Variants in CDH2 observed in about 807,000 individuals in gnomAD.
CDH2 encodes the protein cadherin-2.
CDH2 carries 17 observed loss-of-function variants against 92.0 expected under a neutral mutation model. The ratio of observed to expected loss-of-function variants is 0.18; its 90% CI spans 0.13 to 0.28. CDH2 has a LOEUF of 0.28. CDH2 is among the 10% of genes least tolerant of loss of function. CDH2 has a pLI of 1.00. For missense variants in CDH2, 862 were observed against 1,133.1 expected, an observed-to-expected ratio of 0.76 and a Z score of 3.44; for synonymous variants, 419 against 415.9, an observed-to-expected ratio of 1.01 and a Z score of -0.09.
intron 6 of CDH2, among the ~76,000 whole-genome samples, chr18:27,939,750 T>C (rs1399341535): frequency 6.6e-6 from 1 of 152,240 alleles, no homozygotes; most frequent in African/African-American, 2.4e-5. Flanking sequence ...ATGGCTAAGT[T>C]ACCAAAGTTA....
At chr18:28,042,686 T>C (rs1049386363) in intron 2 of CDH2, among the ~76,000 whole-genome samples, 8 of 152,104 alleles carry the variant, frequency 5.3e-5, no homozygotes, top group African/African-American at 1.4e-4. Flanking sequence ...TAAAGCAAGA[T>C]TTGCATCGAT....
chr18:28,012,743 T>C (rs2013135736), intron 3 of CDH2, among the ~76,000 whole-genome samples: 1 of 152,138 alleles, frequency 6.6e-6, no homozygotes, highest in Admixed American at 6.6e-5. Flanking sequence ...CCCTCAACAG[T>C]TAATAGATTA....
At chr18:28,002,122 GA>G (rs1183653933) in intron 7 of CDH2, among the ~76,000 whole-genome samples, 1 of 152,164 alleles carries the variant, frequency 6.6e-6, no homozygotes, top group Non-Finnish European at 1.5e-5. Context: ...GAGAAAGGAT[GA>G]AAAAGTTTCA....
chr18:28,170,368 T>C (rs2016446709), intron 1 of CDH2, among the ~76,000 whole-genome samples: 1 of 152,178 alleles, frequency 6.6e-6, no homozygotes, highest in African/African-American at 2.4e-5. Flanking sequence ...TATTTTGAGG[T>C]GGAGTCTCGC....
At chr18:28,090,556 C>T (rs546609827) in intron 2 of CDH2, among the ~76,000 whole-genome samples, 132 of 152,276 alleles carry the variant, frequency 8.7e-4, no homozygotes, top group African/African-American at 3.2e-3. Flanking sequence ...TACCCATACC[C>T]TTCCCTCCAC....
chr18:28,173,671 T>G (rs1236008629), intron 1 of CDH2, among the ~76,000 whole-genome samples: 1 of 152,144 alleles, frequency 6.6e-6, no homozygotes, highest in African/African-American at 2.4e-5. Flanking sequence ...CTATGAACAT[T>G]AAAATACTGT....
chr18:28,144,017 G>A (rs1486932931), intron 2 of CDH2, among the ~76,000 whole-genome samples: 4 of 151,912 alleles, frequency 2.6e-5, no homozygotes, highest in Admixed American at 6.6e-5. Flanking sequence ...GGCAAGGGGA[G>A]GGAGAGTATT....
chr18:28,087,708 C>T (rs2014959403), intron 2 of CDH2, among the ~76,000 whole-genome samples: 1 of 152,038 alleles, frequency 6.6e-6, no homozygotes, highest in Non-Finnish European at 1.5e-5. Context: ...TCTACTGACA[C>T]ACATATTCAC....
intron 2 of CDH2, 44 bp downstream of exon 2, chr18:28,147,629 G>T: frequency 1.7e-6 from 2 of 1,191,898 alleles, no homozygotes; most frequent in South Asian, 1.3e-5. Context: ...TTTGTTTCAT[G>T]AGCATGGACA....
At chr18:27,943,342 C>T (rs1023068943) in intron 6 of CDH2, among the ~76,000 whole-genome samples, 1 of 152,128 alleles carries the variant, frequency 6.6e-6, no homozygotes, top group South Asian at 2.1e-4. Context: ...TGTCAGTGGA[C>T]AAGCCACATA....
chr18:27,936,258 TTTAAA>T (rs1040836480), intron 6 of CDH2, among the ~76,000 whole-genome samples: 1 of 152,172 alleles, frequency 6.6e-6, no homozygotes, highest in African/African-American at 2.4e-5. Flanking sequence ...ATAATAGCCT[TTTAAA>T]TTAAATAGAC....
At chr18:27,953,188 T>G (rs1462771210) in intron 15 of CDH2, among the ~76,000 whole-genome samples, 1 of 152,154 alleles carries the variant, frequency 6.6e-6, no homozygotes, top group Non-Finnish European at 1.5e-5. Context: ...AGAGGAGGAC[T>G]CCTGTCAATC....
At chr18:28,009,065 TAAAACTGGG>T (rs1178101780) in intron 5 of CDH2, among the ~76,000 whole-genome samples, 1 of 151,848 alleles carries the variant, frequency 6.6e-6, no homozygotes, top group Non-Finnish European at 1.5e-5. Context: ...TATCCTGGAG[TAAAACTGGG>T]GAGACTGGCA....
intron 15 of CDH2, among the ~76,000 whole-genome samples, chr18:27,953,476 T>C (rs1055272888): frequency 8.6e-5 from 13 of 151,934 alleles, no homozygotes; most frequent in African/African-American, 2.7e-4. Context: ...TGTCAAATGC[T>C]AGTTGGCTTA....
chr18:28,099,511 C>T (rs987652616), intron 2 of CDH2, among the ~76,000 whole-genome samples: 1 of 152,122 alleles, frequency 6.6e-6, no homozygotes, highest in African/African-American at 2.4e-5. Flanking sequence ...CAAGACTTCA[C>T]TGAACACTTC....
intron 2 of CDH2, among the ~76,000 whole-genome samples, chr18:28,023,510 G>GA (rs5823576): frequency 1 from 152,182 of 152,240 alleles, 76,062 homozygotes; most frequent in Non-Finnish European, 1. Flanking sequence ...TTTTTTAGTA[G>GA]GACAGGGTTT....
intron 11 of CDH2, 107 bp downstream of exon 11, chr18:27,988,417 G>T: frequency 1.1e-6 from 1 of 912,584 alleles, no homozygotes; most frequent in Non-Finnish European, 1.7e-6. Flanking sequence ...AATTATAAAA[G>T]TCAGTTTTCC....
intron 1 of CDH2, among the ~76,000 whole-genome samples, chr18:28,176,680 G>A (rs1041194507): frequency 1.3e-5 from 2 of 152,044 alleles, no homozygotes; most frequent in African/African-American, 4.8e-5. Flanking sequence ...CCCCCCGCGA[G>A]CTTGCTCGGC....
intron 14 of CDH2, among the ~76,000 whole-genome samples, chr18:27,978,181 T>TA (rs2011912752): frequency 6.6e-6 from 1 of 152,086 alleles, no homozygotes; most frequent in South Asian, 2.1e-4. Flanking sequence ...TAAGTACACT[T>TA]AAAAAATAAG....
Sources: gnomAD v4.1 joint callset for allele counts (sites outside exome capture counted in the v4.1 genomes callset) on GRCh38, gnomAD v4.1.1 for gene constraint, MANE v1.5 for transcripts, NCBI Gene and HGNC (gene_info 2026-07-23, HGNC 2026-07-21) for gene names.